The following CACNA2D1 variants were observed in gnomAD, a reference collection of about 807,000 sequenced individuals.
CACNA2D1 encodes the protein calcium voltage-gated channel auxiliary subunit alpha2delta 1, also known as voltage-dependent calcium channel subunit alpha-2/delta-1.
Under a neutral mutation model 171.5 loss-of-function variants are expected in CACNA2D1, and 53 were observed. The observed-to-expected ratio is 0.31, with a 90% CI of 0.25 to 0.39. The LOEUF is 0.39. Among genes scored for constraint, CACNA2D1 ranks in the 10% least tolerant of loss-of-function variants. The probability of loss-of-function intolerance (pLI) is 1.00; values close to 1 mark genes in which losing one functional copy is unlikely to be tolerated. For missense variants in CACNA2D1, 903 were observed against 1,299.8 expected (o/e 0.69, Z 4.69); for synonymous variants, 442 against 443.1 (o/e 1.00, Z 0.03).
chr7:82,281,913 G>C (rs1181142294), intron 3 of CACNA2D1, among the ~76,000 whole-genome samples: 1 of 151,662 alleles, frequency 6.6e-6, no homozygotes, highest in Admixed American at 6.6e-5. Flanking sequence ...TAGCAATTTT[G>C]AAAATCTTTC....
At chr7:81,967,299 T>C (rs1794808627) in intron 30 of CACNA2D1, 92 bp from the exon 31 acceptor site, 1 of 1,060,604 alleles carries the variant, frequency 9.4e-7, no homozygotes, top group Non-Finnish European at 1.4e-6. Context: ...TCTGAAATAA[T>C]TTATCCAGTA....
intron 1 of CACNA2D1, among the ~76,000 whole-genome samples, chr7:82,414,510 G>T (rs1049806114): frequency 1.3e-5 from 2 of 152,240 alleles, no homozygotes; most frequent in South Asian, 4.1e-4. Context: ...ACCTAACTAT[G>T]GACAATAATC....
chr7:82,132,996 C>T (rs190355802), intron 5 of CACNA2D1, among the ~76,000 whole-genome samples: 1 of 152,220 alleles, frequency 6.6e-6, no homozygotes, highest in Admixed American at 6.5e-5. Context: ...TCACAAGGAT[C>T]AACTTTGTAT....
intron 10 of CACNA2D1, among the ~76,000 whole-genome samples, chr7:82,046,813 A>G (rs1303716022): frequency 6.6e-6 from 1 of 152,158 alleles, no homozygotes; most frequent in African/African-American, 2.4e-5. Flanking sequence ...ATTTCAATAA[A>G]TATTTTCATT....
chr7:82,092,321 T>C (rs1811267717), intron 6 of CACNA2D1, among the ~76,000 whole-genome samples: 1 of 152,276 alleles, frequency 6.6e-6, no homozygotes, highest in East Asian at 1.9e-4. Context: ...GTAGAAACTT[T>C]AGCATAATTA....
chr7:81,982,767 A>T (rs755358627), intron 23 of CACNA2D1, 140 bp from the exon 24 acceptor site: 2 of 724,786 alleles, frequency 2.8e-6, no homozygotes, highest in African/African-American at 3.5e-5. Flanking sequence ...ATTGAAACAT[A>T]TCAATGAATA....
chr7:82,284,923 TA>T (rs1311835587), intron 3 of CACNA2D1, among the ~76,000 whole-genome samples: 2 of 152,074 alleles, frequency 1.3e-5, no homozygotes, highest in Non-Finnish European at 2.9e-5. Context: ...ATTTTTTTTT[TA>T]AATAGCCCCA....
intron 1 of CACNA2D1, among the ~76,000 whole-genome samples, chr7:82,375,481 C>T (rs994426078): frequency 6.6e-6 from 1 of 152,056 alleles, no homozygotes; most frequent in Non-Finnish European, 1.5e-5. Flanking sequence ...AGTGTGTGTC[C>T]AGTTCTAACC....
intron 3 of CACNA2D1, among the ~76,000 whole-genome samples, chr7:82,291,630 T>C (rs1314170634): frequency 6.9e-6 from 1 of 144,820 alleles, no homozygotes; most frequent in African/African-American, 2.5e-5. Flanking sequence ...TATTTTTATA[T>C]CTATCTGTGT....
chr7:82,420,359 T>C (rs1188771495), intron 1 of CACNA2D1, among the ~76,000 whole-genome samples: 1 of 152,220 alleles, frequency 6.6e-6, no homozygotes, highest in African/African-American at 2.4e-5. Flanking sequence ...ATGACCAGCA[T>C]TCCTGATATT....
At chr7:81,977,054 G>C (rs1795928711) in intron 24 of CACNA2D1, among the ~76,000 whole-genome samples, 1 of 151,992 alleles carries the variant, frequency 6.6e-6, no homozygotes, top group African/African-American at 2.4e-5. Context: ...TCTTTCTCTT[G>C]CCTGATTGCC....
intron 3 of CACNA2D1, among the ~76,000 whole-genome samples, chr7:82,266,700 A>C (rs2129342034): frequency 6.6e-6 from 1 of 152,220 alleles, no homozygotes; most frequent in Admixed American, 6.5e-5. Context: ...TATTTTTAGC[A>C]GAGATGAGGT....
intron 3 of CACNA2D1, among the ~76,000 whole-genome samples, chr7:82,194,055 A>C (rs552290350): frequency 1.6e-4 from 24 of 152,028 alleles, no homozygotes; most frequent in Non-Finnish European, 3.1e-4. Context: ...CCTTAAAGGA[A>C]GTAGTTTGTG....
rs147439067 is a variant in CACNA2D1, at chr7:82,361,040, C to T, written c.96-11391G>A. Among the ~76,000 whole-genome samples the T allele has an allele frequency of 1.7e-3, 265 of 152,250 alleles. 1 individual carries two copies. Among genetic ancestry groups the T allele is most frequent in the African/African-American group, 6.0e-3 (251 of 41,558 alleles). On this transcript the variant is annotated intron_variant, in intron 1 of 38. Transcript: ENST00000356860. ...AAGCCTTCAAATATGAGATGGTAAACATCTTTCTAGCTCAGAAAATATATT... is the reference window on the plus strand; with the variant it reads ...AAGCCTTCAAATATGAGATGGTAAATATCTTTCTAGCTCAGAAAATATATT...
In CACNA2D1 at chr7:82,033,253, T is replaced by C. The variant is rs544889656; in HGVS notation, c.1039-352A>G. 3.9e-3 allele frequency among the ~76,000 whole-genome samples: 596 copies of C among 152,150 alleles called. 4 individuals are homozygous for C. Among genetic ancestry groups the C allele is most frequent in the African/African-American group, 0.013 (558 of 41,534 alleles). ...CTTTTATATACATATTTTATTTTCT[T>C]GTTTGTTTATTGTTGGTATCCCCCA... On this transcript the variant is annotated intron_variant, in intron 11 of 38. Coordinates refer to ENST00000356860, the MANE Select transcript of CACNA2D1 (RefSeq NM_000722.4).
intron 1 of CACNA2D1, among the ~76,000 whole-genome samples, chr7:82,434,495 G>A (rs957539479): frequency 3.9e-5 from 6 of 152,020 alleles, no homozygotes; most frequent in African/African-American, 1.4e-4. Context: ...GTACTCATTA[G>A]TTATTTTTTC....
intron 3 of CACNA2D1, among the ~76,000 whole-genome samples, chr7:82,322,702 T>A: frequency 6.6e-6 from 1 of 152,226 alleles, no homozygotes; most frequent in East Asian, 1.9e-4. Flanking sequence ...ATCATTCTAA[T>A]GATAAATCGT....
intron 21 of CACNA2D1, among the ~76,000 whole-genome samples, chr7:81,985,131 G>A (rs1562822569): frequency 6.7e-6 from 1 of 149,352 alleles, no homozygotes; most frequent in Non-Finnish European, 1.5e-5. Flanking sequence ...TATATATAAT[G>A]TTAAAGTGCT....
At chr7:82,006,341 A>C (rs1799117041) in intron 16 of CACNA2D1, among the ~76,000 whole-genome samples, 1 of 152,004 alleles carries the variant, frequency 6.6e-6, no homozygotes, top group Non-Finnish European at 1.5e-5. Flanking sequence ...TTGGTGATAA[A>C]ATCCTCAAAA....
Sources: allele counts gnomAD v4.1 joint callset (sites outside exome capture counted in the v4.1 genomes callset), GRCh38; gene constraint gnomAD v4.1.1; transcripts MANE v1.5; gene names NCBI Gene and HGNC (gene_info 2026-07-23, HGNC 2026-07-21).